The following PKN3 variants were observed in gnomAD, a reference collection of about 807,000 sequenced individuals.
PKN3 encodes protein kinase N3.
Under a neutral mutation model 113.1 loss-of-function variants are expected in PKN3, and 91 were observed. That is an observed-to-expected ratio of 0.80 (90% CI 0.68 to 0.96). The LOEUF (loss-of-function observed/expected upper bound fraction) is 0.96. PKN3 is among the 40% of genes least tolerant of loss of function. The pLI is 0.00. For missense variants in PKN3, 1,052 were observed against 1,202.2 expected (o/e 0.88, Z 1.85); for synonymous variants, 467 against 499.0 (o/e 0.94, Z 0.85).
Position 128,715,007 on chromosome 9 carries a change from T to G in PKN3, c.1652+142T>G. 1.9e-6 allele frequency: 2 copies of G among 1,070,056 alleles called. No homozygotes were observed. The highest frequency in any genetic ancestry group is 2.8e-6 in the Non-Finnish European group (2 of 701,924). 66.3% of individuals were successfully genotyped at this position (1,070,056 alleles called of 1,614,324 possible). ...GGTCTGATTTACTAAACCCACATTATTGAGCTCCAGCTCTATGCCGGCTTC... is the reference window on the plus strand; with the variant it reads ...GGTCTGATTTACTAAACCCACATTAGTGAGCTCCAGCTCTATGCCGGCTTC... On this transcript the variant is annotated intron_variant, in intron 13 of 21. Coordinates refer to ENST00000291906, the MANE Select transcript of PKN3 (RefSeq NM_013355.5). This position sits in a 1 kb window ranked among gnomAD's most constrained non-coding sequence, Gnocchi z 4.1.
At chr9:128,706,468 T>C (rs1012553621) in intron 3 of PKN3, among the ~76,000 whole-genome samples, 1 of 152,020 alleles carries the variant, frequency 6.6e-6, no homozygotes, top group Non-Finnish European at 1.5e-5. Flanking sequence ...CCTGATCTGA[T>C]GGGAGAGGCA....
At chr9:128,709,070 G>C (rs980448958) in intron 6 of PKN3, among the ~76,000 whole-genome samples, 3 of 151,954 alleles carry the variant, frequency 2.0e-5, no homozygotes, top group African/African-American at 7.3e-5. Flanking sequence ...CGGATCACGA[G>C]GTCAGGAGAT....
intron 6 of PKN3, among the ~76,000 whole-genome samples, chr9:128,712,411 T>G (rs1195167912): frequency 6.6e-6 from 1 of 152,204 alleles, no homozygotes; most frequent in Non-Finnish European, 1.5e-5. Context: ...ATGAACTTAC[T>G]CCGTTGACAA....
intron 1 of PKN3, chr9:128,704,011 C>T (rs1861932295): frequency 9.1e-6 from 9 of 985,332 alleles, no homozygotes; most frequent in East Asian, 1.1e-4. Context: ...TCCTGAGCCT[C>T]GCCCTTGCCC....
intron 1 of PKN3, chr9:128,704,224 C>A (rs1001018590): frequency 4.7e-6 from 4 of 844,500 alleles, no homozygotes; most frequent in African/African-American, 3.7e-5. Context: ...GAAATGCTGG[C>A]GGCTGGAAAG....
intron 6 of PKN3, among the ~76,000 whole-genome samples, chr9:128,711,597 CT>C (rs1196838626): frequency 6.6e-6 from 1 of 151,040 alleles, no homozygotes; most frequent in Non-Finnish European, 1.5e-5. Context: ...CACGCCCGGC[CT>C]TTTTTTTGGG....
chr9:128,714,409 G>C (rs373709863), intron 11 of PKN3, 44 bp downstream of exon 11: 2 of 1,510,924 alleles, frequency 1.3e-6, no homozygotes, highest in African/African-American at 2.8e-5. Flanking sequence ...CTCTGTGGCG[G>C]CTTCCTGACT....
intron 1 of PKN3, chr9:128,703,552 AG>A (rs1186132117): frequency 1.0e-6 from 1 of 985,230 alleles, no homozygotes; most frequent in African/African-American, 1.7e-5. Context: ...CGGAGGACCG[AG>A]GCCATGTCTA....
At chr9:128,718,448 G>T (rs1862410931) in intron 17 of PKN3, 61 bp downstream of exon 17, 1 of 1,580,132 alleles carries the variant, frequency 6.3e-7, no homozygotes, top group Non-Finnish European at 8.7e-7. Flanking sequence ...AGTGGGTAAG[G>T]ACAGATGCTG....
At chr9:128,705,061 G>T (rs557780824) in intron 1 of PKN3, among the ~76,000 whole-genome samples, 2 of 152,272 alleles carry the variant, frequency 1.3e-5, no homozygotes, top group South Asian at 4.1e-4. Context: ...CGTGTGAACT[G>T]TCCCCCCCGC....
At chr9:128,704,321 C>T (rs1029240146) in intron 1 of PKN3, among the ~76,000 whole-genome samples, 2 of 152,184 alleles carry the variant, frequency 1.3e-5, no homozygotes, top group African/African-American at 4.8e-5. Context: ...GGAGTGGGCA[C>T]CCGGAGACCT....
chr9:128,708,230 A>G (rs543412626), intron 6 of PKN3, among the ~76,000 whole-genome samples: 1 of 151,930 alleles, frequency 6.6e-6, no homozygotes, highest in South Asian at 2.1e-4. Flanking sequence ...AAAATACAAA[A>G]AAGTAGCTGG....
At chr9:128,711,169 C>T (rs533369429) in intron 6 of PKN3, among the ~76,000 whole-genome samples, 7 of 152,060 alleles carry the variant, frequency 4.6e-5, no homozygotes, top group East Asian at 1.9e-4. Context: ...CCACACCTGG[C>T]GAATTTTTAT....
In PKN3 at chr9:128,719,765, A is replaced by G; in HGVS notation, c.2205A>G (p.Ala735=). ...FLAPEVLTQE[A]YTRAVDWWGL... Reference sequence around the variant, plus strand: ...CTCCCGAGGTGCTGACCCAGGAGGCATACACACGGGCTGTGGACTGGTGGG... The same window carrying G: ...CTCCCGAGGTGCTGACCCAGGAGGCGTACACACGGGCTGTGGACTGGTGGG... Residue 735 remains alanine, a synonymous_variant, in exon 19 of 22, where the codon GCA becomes GCG. Transcript: ENST00000291906. 1 of 1,606,750 alleles carries G rather than the reference A, an allele frequency of 6.2e-7. No homozygotes were observed. The highest frequency in any genetic ancestry group is 8.5e-7 in the Non-Finnish European group (1 of 1,175,976).
At position 128,716,830 on chromosome 9, in the gene PKN3, C is replaced by G; in HGVS notation, c.1892C>G (p.Thr631Ser). 1 of 1,614,048 alleles carries G rather than the reference C, an allele frequency of 6.2e-7. No individual in the cohort carries two copies. The highest frequency in any genetic ancestry group is 8.5e-7 in the Non-Finnish European group (1 of 1,179,950). Reference sequence around the variant, plus strand: ...CTCTCCCTCCTTGCCTGCTTCCAGACCTCCAGCCATGCCTGCTTTGTGACT... The same window carrying G: ...CTCTCCCTCCTTGCCTGCTTCCAGAGCTCCAGCCATGCCTGCTTTGTGACT... ...FLLSLLACFQTSSHACFVTEF... is the reference protein window; with the variant it reads ...FLLSLLACFQSSSHACFVTEF... Residue 631 changes from threonine to serine, a missense_variant, in exon 16 of 22, where the codon ACC becomes AGC. Thr to Ser is a moderately conservative substitution (Grantham distance 58, BLOSUM62 1). Transcript: ENST00000291906.
intron 1 of PKN3, chr9:128,703,904 G>A (rs1372135259): frequency 1.0e-5 from 10 of 985,372 alleles, no homozygotes; most frequent in Non-Finnish European, 1.2e-5. Context: ...GCAGCTGGGT[G>A]ACTCAGGACC....
chr9:128,708,009 T>A (rs1862070396), intron 6 of PKN3, among the ~76,000 whole-genome samples: 1 of 146,994 alleles, frequency 6.8e-6, no homozygotes, highest in Admixed American at 7.0e-5. Context: ...AGGCGGAGGT[T>A]GCAGTGAGCC....
Position 128,719,999 on chromosome 9 carries a change from G to A in PKN3, c.2358G>A (p.Gly786=), listed in dbSNP as rs766276663. 2 of 1,613,956 alleles carry A rather than the reference G, an allele frequency of 1.2e-6. No homozygotes were observed. ...APYPGFLSVQ[G]LEFIQKLLQK... ...ACCCCGGCTTTCTGTCGGTGCAAGGGCTTGAGTTCATTCAGAAGGTAAGCA... is the reference window on the plus strand; with the variant it reads ...ACCCCGGCTTTCTGTCGGTGCAAGGACTTGAGTTCATTCAGAAGGTAAGCA... The change falls in exon 20 of 22, where the codon GGG becomes GGA. Residue 786 remains glycine, a synonymous_variant. Transcript: ENST00000291906.
rs747755433 is a variant in PKN3, at chr9:128,720,233, G to A, written c.2407G>A (p.Gly803Arg). ...LLQKCPEKRL[G>R]AGEQDAEEIK... ...CCAGAAGTGCCCGGAGAAGCGCCTC[G>A]GGGCAGGTGAGCAGGATGCCGAGGA... The change falls in exon 21 of 22, where the codon GGG becomes AGG. Residue 803 changes from glycine (G) to arginine (R), a missense_variant. Gly to Arg is a moderately radical substitution (Grantham distance 125). Transcript: ENST00000291906. This position sits in a 1 kb window ranked among gnomAD's most constrained non-coding sequence, Gnocchi z 5.5. The A allele has an allele frequency of 1.9e-5, 30 of 1,613,774 alleles. No individual in the cohort carries two copies. Among genetic ancestry groups the A allele is most frequent in the East Asian group, 4.5e-5 (2 of 44,882 alleles).
Sources: allele counts gnomAD v4.1 joint callset (sites outside exome capture counted in the v4.1 genomes callset), GRCh38; gene constraint gnomAD v4.1.1; non-coding constraint Gnocchi (gnomAD v3.1); transcripts MANE v1.5; gene names NCBI Gene and HGNC (gene_info 2026-07-23, HGNC 2026-07-21).